Variants in ZIM2 observed in about 807,000 individuals in gnomAD.
The protein encoded by ZIM2 is zinc finger imprinted 2.
In ZIM2, 14 loss-of-function variants were observed where a neutral mutation model predicts 38.6. The observed-to-expected ratio is 0.36, with a 90% confidence interval of 0.24 to 0.57. The LOEUF (loss-of-function observed/expected upper bound fraction) is 0.57. Ranked by LOEUF, ZIM2 falls within the 20% of genes least tolerant of loss-of-function variation. The probability of loss-of-function intolerance (pLI) is 0.81; values close to 1 mark genes in which losing one functional copy is unlikely to be tolerated. For synonymous variants in ZIM2, 247 were observed against 245.8 expected (o/e 1.00, Z -0.04); for missense variants, 680 against 695.1 (o/e 0.98, Z 0.24).
At chr19:56,823,489 G>A (rs2060702398) in intron 5 of ZIM2, 101 bp downstream of exon 5, 1 of 1,363,060 alleles carries the variant, frequency 7.3e-7, no homozygotes, top group African/African-American at 1.4e-5. Flanking sequence ...ACCACTCGGG[G>A]ATGGCGGGTC....
chr19:56,794,258 C>G (rs186609192), intron 9 of ZIM2, among the ~76,000 whole-genome samples: 96 of 152,282 alleles, frequency 6.3e-4, no homozygotes, highest in Middle Eastern at 6.8e-3. Flanking sequence ...TGTACTTTCT[C>G]TCAAAACTAT....
At chr19:56,816,419 G>A (rs568666010) in intron 9 of ZIM2, 22 of 1,613,702 alleles carry the variant, frequency 1.4e-5, no homozygotes, top group Admixed American at 8.3e-5. Context: ...GTTTTCTGAC[G>A]CCTTTTAAGG....
rs758736812 is a variant in ZIM2 at position 56,782,114 on chromosome 19, T to G, written c.578A>C (p.Asp193Ala). Reference sequence around the variant, plus strand: ...CAGAAATGTTCCTAAGTGTTTGAAGTCCGGGAACTATCCCAGAGAGAGGAG... The same window carrying G: ...CAGAAATGTTCCTAAGTGTTTGAAGGCCGGGAACTATCCCAGAGAGAGGAG... Reference protein sequence around the residue: ...NLPSAGSQFPDFKHLGTFLVF... With the variant: ...NLPSAGSQFPAFKHLGTFLVF... Residue 193 changes from aspartate to alanine, a missense_variant, in exon 11 of 13, where the codon GAC (aspartate) becomes GCC (alanine). Physicochemically the swap from Asp to Ala is moderately radical, Grantham distance 126. Transcript: ENST00000629319. 1.1e-5 allele frequency: 17 copies of G among 1,613,522 alleles called. No homozygotes were observed. The South Asian group carries it at 1.9e-4, about 18-fold the overall frequency.
intron 9 of ZIM2, among the ~76,000 whole-genome samples, chr19:56,808,256 T>A (rs904367218): frequency 1.3e-5 from 2 of 152,216 alleles, no homozygotes; most frequent in Non-Finnish European, 2.9e-5. Flanking sequence ...AGAGCTATCC[T>A]GGACAATTCA....
intron 9 of ZIM2, among the ~76,000 whole-genome samples, chr19:56,792,062 A>G (rs1196049336): frequency 8.4e-6 from 1 of 118,742 alleles, no homozygotes; most frequent in African/African-American, 3.0e-5. Context: ...GTCTTGTTTT[A>G]TGTTGCAACT....
chr19:56,809,433 C>T (rs2047947974), intron 9 of ZIM2, among the ~76,000 whole-genome samples: 1 of 152,162 alleles, frequency 6.6e-6, no homozygotes, highest in South Asian at 2.1e-4. Flanking sequence ...GACACAGCAG[C>T]CGCAAATTGG....
intron 11 of ZIM2, among the ~76,000 whole-genome samples, chr19:56,779,981 A>G (rs1050608231): frequency 5.3e-5 from 8 of 152,184 alleles, no homozygotes; most frequent in Middle Eastern, 3.4e-3. Context: ...CCAAACTTTT[A>G]TCATTTGCAT....
intron 9 of ZIM2, among the ~76,000 whole-genome samples, chr19:56,795,449 G>C (rs2047156545): frequency 6.6e-6 from 1 of 152,164 alleles, no homozygotes; most frequent in Non-Finnish European, 1.5e-5. Context: ...ATCCTACCCC[G>C]GGCCCAGCGA....
chr19:56,821,660 G>C lies in ZIM2; in HGVS notation c.285C>G (p.Ser95=), dbSNP rs149324923. The C allele has an allele frequency of 8.9e-5, 143 of 1,613,888 alleles. No homozygotes were observed. In the African/African-American group the frequency reaches 1.8e-3, roughly 20 times the overall value. ...EDDRDSRAYE[S]RSQDAESYQN... ...GGAAACCTGAGCATACCTGAGATCG[G>C]GACTCATAAGCCCTGGAGTCCCTGT... The change falls in exon 7 of 13, where the codon TCC becomes TCG. Residue 95 remains serine, a synonymous_variant. Coordinates refer to ENST00000629319, the MANE Select transcript of ZIM2 (RefSeq NM_001387356.1).
chr19:56,777,999 T>A (rs1158827604), intron 12 of ZIM2, among the ~76,000 whole-genome samples: 1 of 152,148 alleles, frequency 6.6e-6, no homozygotes, highest in Non-Finnish European at 1.5e-5. Context: ...CCTGTAACAC[T>A]CTTCCTCAAG....
intron 12 of ZIM2, among the ~76,000 whole-genome samples, chr19:56,775,765 G>C (rs2045967463): frequency 1.3e-5 from 2 of 151,994 alleles, no homozygotes; most frequent in Admixed American, 6.6e-5. Context: ...GAGGTTGAGA[G>C]AGTTTTCTGA....
chr19:56,833,533 A>G (rs183239548), intron 2 of ZIM2: 77 of 250,624 alleles, frequency 3.1e-4, no homozygotes, highest in African/African-American at 1.7e-3. Context: ...CCTTCATCCA[A>G]ATTCTCAGTA....
chr19:56,819,231 T>G (rs1284050783), intron 7 of ZIM2, among the ~76,000 whole-genome samples: 1 of 152,204 alleles, frequency 6.6e-6, no homozygotes, highest in Non-Finnish European at 1.5e-5. Flanking sequence ...CTGGTCAGGA[T>G]GTGACTTAAA....
intron 2 of ZIM2, among the ~76,000 whole-genome samples, chr19:56,834,198 A>G (rs1009734302): frequency 3.5e-4 from 53 of 152,148 alleles, no homozygotes; most frequent in African/African-American, 1.3e-3. Flanking sequence ...GTAGGCCACA[A>G]AGCTTGGTCC....
At chr19:56,820,028 T>C (rs536640540) in intron 7 of ZIM2, among the ~76,000 whole-genome samples, 1 of 152,344 alleles carries the variant, frequency 6.6e-6, no homozygotes, top group African/African-American at 2.4e-5. Context: ...AAATTCTTTT[T>C]TCACATGAAA....
chr19:56,824,561 T>A, intron 3 of ZIM2, 134 bp from the exon 4 acceptor site: 1 of 1,614,172 alleles, frequency 6.2e-7, no homozygotes, highest in Non-Finnish European at 8.5e-7. Context: ...TATGATGACA[T>A]CCGGCTCCTT....
At chr19:56,810,883 C>T (rs2059491705) in intron 9 of ZIM2, 1 of 963,910 alleles carries the variant, frequency 1.0e-6, no homozygotes, top group South Asian at 4.8e-5. Context: ...ATTATGCACA[C>T]CAATGGAGAC....
In ZIM2 at chr19:56,774,646, C is replaced by A. The variant is rs1398895438; in HGVS notation, c.*42G>T. 1 of 1,586,782 alleles carries A rather than the reference C, an allele frequency of 6.3e-7. No homozygotes were observed. Among genetic ancestry groups the A allele is most frequent in the Admixed American group, 1.7e-5 (1 of 58,572 alleles). Reference sequence around the variant, plus strand: ...ACACTCACAACACTCTAGGAGGAAGCCAATAATGTTGAGAAAAGTGTGTGC... The same window carrying A: ...ACACTCACAACACTCTAGGAGGAAGACAATAATGTTGAGAAAAGTGTGTGC... On this transcript the variant is annotated 3_prime_UTR_variant, in exon 13 of 13. Coordinates refer to ENST00000629319, the MANE Select transcript of ZIM2 (RefSeq NM_001387356.1).
intron 11 of ZIM2, among the ~76,000 whole-genome samples, chr19:56,781,566 CAGATTCTGGAGT>C (rs1568566028): frequency 6.6e-6 from 1 of 152,098 alleles, no homozygotes; most frequent in Non-Finnish European, 1.5e-5. Context: ...TTTAAAAGAG[CAGATTCTGGAGT>C]CTGCTTGGGG....
Sources: allele counts gnomAD v4.1 joint callset (sites outside exome capture counted in the v4.1 genomes callset), GRCh38; gene constraint gnomAD v4.1.1; transcripts MANE v1.5; gene names NCBI Gene and HGNC (gene_info 2026-07-23, HGNC 2026-07-21).